Variants in PALLD observed in about 807,000 individuals in gnomAD.
PALLD encodes the protein palladin, cytoskeletal associated protein, also known as palladin.
PALLD carries 61 observed loss-of-function variants against 123.5 expected under a neutral mutation model. The observed-to-expected ratio is 0.49, with a 90% CI of 0.40 to 0.61. The LOEUF (loss-of-function observed/expected upper bound fraction) is 0.61, where lower values mean the gene tolerates loss of function less well. PALLD is among the 20% of genes least tolerant of loss of function. The probability of loss-of-function intolerance (pLI) is 0.00; values close to 1 mark genes in which losing one functional copy is unlikely to be tolerated. For synonymous variants in PALLD, 465 were observed against 496.4 expected, an observed-to-expected ratio of 0.94 and a Z score of 0.84; for missense variants, 1,273 against 1,377.0, an observed-to-expected ratio of 0.92 and a Z score of 1.20.
At chr4:168,673,163 G>A (rs1313911533) in intron 3 of PALLD, among the ~76,000 whole-genome samples, 2 of 152,146 alleles carry the variant, frequency 1.3e-5, no homozygotes, top group African/African-American at 2.4e-5. Context: ...ACACAGCAGC[G>A]AACAAGCAGG....
intron 2 of PALLD, among the ~76,000 whole-genome samples, chr4:168,590,728 A>G (rs913242444): frequency 6.6e-6 from 1 of 152,182 alleles, no homozygotes; most frequent in Non-Finnish European, 1.5e-5. Context: ...ACACAGTAGG[A>G]TCTTGGTAAT....
chr4:168,603,753 G>A (rs1580530799), intron 2 of PALLD, among the ~76,000 whole-genome samples: 1 of 152,178 alleles, frequency 6.6e-6, no homozygotes, highest in African/African-American at 2.4e-5. Context: ...ATTTGAACTC[G>A]TGTATTCTTT....
chr4:168,661,503 T>C lies in PALLD; in HGVS notation c.909-6687T>C, dbSNP rs118136325. 1.1e-4 allele frequency among the ~76,000 whole-genome samples: 16 copies of C among 152,366 alleles called. No individual in the cohort carries two copies. In the East Asian group the frequency reaches 2.9e-3, roughly 28 times the overall value. On this transcript the variant is annotated intron_variant, in intron 2 of 21. Transcript: ENST00000505667. ...TTTATTTCCAATTAGTACAAGGTAA[T>C]TTTCATACGCTGTTTATGGTCTTGA...
chr4:168,886,176 A>G (rs1225291055), intron 10 of PALLD, among the ~76,000 whole-genome samples: 1 of 152,214 alleles, frequency 6.6e-6, no homozygotes, highest in African/African-American at 2.4e-5. Context: ...ATTTTTATGC[A>G]TAAAATCTTA....
At chr4:168,756,625 G>A (rs565118019) in intron 10 of PALLD, among the ~76,000 whole-genome samples, 23 of 152,292 alleles carry the variant, frequency 1.5e-4, no homozygotes, top group East Asian at 3.9e-4. Flanking sequence ...ATTTATGGAC[G>A]TGGTGAAGAG....
chr4:168,797,955 T>TTA (rs1427843237), intron 10 of PALLD, among the ~76,000 whole-genome samples: 1 of 151,656 alleles, frequency 6.6e-6, no homozygotes, highest in African/African-American at 2.4e-5. Flanking sequence ...CTGGCTATTT[T>TTA]TCTTGAGTTC....
chr4:168,714,544 T>A (rs142910083), intron 10 of PALLD, among the ~76,000 whole-genome samples: 50 of 152,334 alleles, frequency 3.3e-4, no homozygotes, highest in African/African-American at 1.1e-3. Flanking sequence ...TCTTACACAT[T>A]CATTTTTTTC....
At chr4:168,800,462 C>G (rs971974668) in intron 10 of PALLD, among the ~76,000 whole-genome samples, 2 of 152,072 alleles carry the variant, frequency 1.3e-5, no homozygotes, top group Non-Finnish European at 2.9e-5. Context: ...AGTAGAACAG[C>G]CACTTCACCA....
intron 10 of PALLD, among the ~76,000 whole-genome samples, chr4:168,838,270 G>T (rs1434293353): frequency 6.6e-6 from 1 of 152,136 alleles, no homozygotes; most frequent in Non-Finnish European, 1.5e-5. Flanking sequence ...GGGGTTTTGT[G>T]CACAAGCAGA....
intron 2 of PALLD, among the ~76,000 whole-genome samples, chr4:168,559,859 T>C (rs1335925641): frequency 2.0e-5 from 3 of 150,772 alleles, no homozygotes; most frequent in African/African-American, 4.9e-5. Context: ...CACTCTAGCC[T>C]GGGCAACAGA....
At chr4:168,624,240 G>A (rs775507243) in intron 2 of PALLD, among the ~76,000 whole-genome samples, 14 of 151,824 alleles carry the variant, frequency 9.2e-5, no homozygotes, top group South Asian at 2.1e-4. Flanking sequence ...TTACCATGAC[G>A]AAATGGAGCT....
intron 19 of PALLD, 128 bp from the exon 20 acceptor site, chr4:168,924,817 A>G (rs576524130): frequency 1.6e-5 from 14 of 902,840 alleles, no homozygotes; most frequent in Admixed American, 5.8e-5. Context: ...TCTCTACAGA[A>G]TAAGTATGAC....
chr4:168,509,362 T>A (rs57006399), intron 1 of PALLD, among the ~76,000 whole-genome samples: 10,643 of 152,238 alleles, frequency 0.07, 639 homozygotes, highest in African/African-American at 0.16. Context: ...TATTACTGAT[T>A]TTTTCAATTG....
chr4:168,588,627 C>T (rs1771090718), intron 2 of PALLD, among the ~76,000 whole-genome samples: 1 of 152,064 alleles, frequency 6.6e-6, no homozygotes, highest in Non-Finnish European at 1.5e-5. Flanking sequence ...AGGCTGGTCT[C>T]AAACTCCTGA....
intron 10 of PALLD, among the ~76,000 whole-genome samples, chr4:168,820,409 G>A (rs893471332): frequency 6.6e-6 from 1 of 152,162 alleles, no homozygotes; most frequent in Non-Finnish European, 1.5e-5. Context: ...TAACAATTAA[G>A]CCTATGAAGG....
At chr4:168,626,446 A>G (rs991515330) in intron 2 of PALLD, among the ~76,000 whole-genome samples, 4 of 146,284 alleles carry the variant, frequency 2.7e-5, no homozygotes, top group South Asian at 2.2e-4. Flanking sequence ...ACTGTGGCTC[A>G]TGCCTGTAAT....
At chr4:168,875,692 T>C (rs1034343229) in intron 10 of PALLD, among the ~76,000 whole-genome samples, 3 of 152,244 alleles carry the variant, frequency 2.0e-5, no homozygotes, top group Non-Finnish European at 4.4e-5. Context: ...TGTCACTTCA[T>C]ACTAAAGTTA....
At chr4:168,581,366 C>T (rs1190967729) in intron 2 of PALLD, among the ~76,000 whole-genome samples, 1 of 152,024 alleles carries the variant, frequency 6.6e-6, no homozygotes, top group African/African-American at 2.4e-5. Context: ...TCCATTCCCA[C>T]CAACAGTGTA....
chr4:168,800,939 A>G (rs1237765331), intron 10 of PALLD, among the ~76,000 whole-genome samples: 1 of 152,234 alleles, frequency 6.6e-6, no homozygotes, highest in Non-Finnish European at 1.5e-5. Flanking sequence ...ATTAAAATAA[A>G]TGAACTATAG....
Sources: gnomAD v4.1 joint callset for allele counts (sites outside exome capture counted in the v4.1 genomes callset) on GRCh38, gnomAD v4.1.1 for gene constraint, MANE v1.5 for transcripts, NCBI Gene and HGNC (gene_info 2026-07-23, HGNC 2026-07-21) for gene names.